The following ESR1 variants were observed in gnomAD, a reference collection of about 807,000 sequenced individuals.
ESR1 encodes the protein estrogen receptor 1.
Under a neutral mutation model 52.7 loss-of-function variants are expected in ESR1, and 12 were observed. That is an observed-to-expected ratio of 0.23 (90% CI 0.15 to 0.37). ESR1 has a LOEUF of 0.37. Among genes scored for constraint, ESR1 ranks in the 10% least tolerant of loss-of-function variants. ESR1 has a pLI of 1.00. For missense variants in ESR1, 584 were observed against 779.7 expected, an observed-to-expected ratio of 0.75 and a Z score of 2.99; for synonymous variants, 305 against 316.8, an observed-to-expected ratio of 0.96 and a Z score of 0.39.
At chr6:152,114,006 G>A (rs553264493) in intron 6 of ESR1, among the ~76,000 whole-genome samples, 2 of 152,320 alleles carry the variant, frequency 1.3e-5, no homozygotes, top group African/African-American at 4.8e-5. Context: ...TTTTATAAAT[G>A]TCCAGATCAT....
intron 4 of ESR1, among the ~76,000 whole-genome samples, chr6:151,978,356 C>A (rs530883249): frequency 6.6e-6 from 1 of 151,772 alleles, no homozygotes; most frequent in East Asian, 1.9e-4. Flanking sequence ...ATGGTCAATA[C>A]GAACATTAGG....
chr6:151,857,366 G>A (rs935978003), intron 2 of ESR1, among the ~76,000 whole-genome samples: 16 of 151,946 alleles, frequency 1.1e-4, no homozygotes, highest in African/African-American at 2.7e-4. Context: ...TTTTATATAA[G>A]GGACTTAAAC....
chr6:151,972,205 G>A (rs2038982927), intron 4 of ESR1, among the ~76,000 whole-genome samples: 1 of 152,044 alleles, frequency 6.6e-6, no homozygotes, highest in Non-Finnish European at 1.5e-5. Context: ...CAGATTCACA[G>A]CTAAATTGTA....
chr6:151,694,795 C>A (rs200423245), intron 1 of ESR1, among the ~76,000 whole-genome samples: 122 of 139,004 alleles, frequency 8.8e-4, no homozygotes, highest in African/African-American at 8.6e-4. Context: ...TAAAAAAAGA[C>A]AAAAAAAAAA....
At chr6:151,839,633 G>C (rs1448845092) in intron 1 of ESR1, among the ~76,000 whole-genome samples, 2 of 152,144 alleles carry the variant, frequency 1.3e-5, no homozygotes, top group African/African-American at 4.8e-5. Flanking sequence ...AGTCTGTGTA[G>C]TATATACAGA....
upstream of ESR1, among the ~76,000 whole-genome samples, chr6:151,799,460 A>G (rs1042734378): frequency 6.6e-6 from 1 of 152,258 alleles, no homozygotes; most frequent in Admixed American, 6.5e-5. Flanking sequence ...GAGGTAAATC[A>G]TTGAGGAAGT....
rs1327283103 is a variant in ESR1 at position 152,102,508 on chromosome 6, C to A, written c.*3542C>A. ...TTCTCTTTGGTGCAGGTCTTGGGAG[C>A]GTGATCTAGATTACACTGCACCATT... On this transcript the variant is annotated 3_prime_UTR_variant, in exon 8 of 8. Coordinates refer to ENST00000206249, the MANE Select transcript of ESR1 (RefSeq NM_000125.4). 1 of 209,230 alleles carries A rather than the reference C, an allele frequency of 4.8e-6. No homozygotes were observed. Among genetic ancestry groups the A allele is most frequent in the African/African-American group, 2.3e-5 (1 of 43,976 alleles). 13.0% of individuals were successfully genotyped at this position (209,230 alleles called of 1,614,324 possible).
intron 6 of ESR1, among the ~76,000 whole-genome samples, chr6:152,076,938 A>G (rs1304223594): frequency 2.6e-5 from 4 of 152,224 alleles, no homozygotes; most frequent in Admixed American, 2.6e-4. Context: ...AGTAGGAAAG[A>G]AAAACCCATT....
intron 1 of ESR1, among the ~76,000 whole-genome samples, chr6:151,663,298 A>C (rs955042038): frequency 2.0e-5 from 3 of 152,244 alleles, no homozygotes; most frequent in Non-Finnish European, 4.4e-5. Context: ...TCAAAGTCCC[A>C]TTCATATGGA....
intron 4 of ESR1, among the ~76,000 whole-genome samples, chr6:151,950,436 C>T (rs1258594821): frequency 2.6e-5 from 4 of 152,094 alleles, no homozygotes; most frequent in Middle Eastern, 3.2e-3. Context: ...AGTTGTCTCT[C>T]CTCAAAAAGA....
chr6:152,078,030 G>A (rs964852592), intron 6 of ESR1, among the ~76,000 whole-genome samples: 3 of 152,158 alleles, frequency 2.0e-5, no homozygotes, highest in Admixed American at 2.0e-4. Flanking sequence ...GGGGTGGAAT[G>A]TTATGGTTTG....
intron 2 of ESR1, 128 bp downstream of exon 2, chr6:151,842,915 A>G (rs772316845): frequency 1.9e-5 from 14 of 756,164 alleles, no homozygotes; most frequent in Non-Finnish European, 2.9e-5. Context: ...TAGGTCCACT[A>G]GTATCTTTGG....
chr6:151,792,014 A>G (rs537423679), intron 2 of ESR1, among the ~76,000 whole-genome samples: 28 of 152,308 alleles, frequency 1.8e-4, no homozygotes, highest in Admixed American at 5.9e-4. Context: ...ACTTATGCCA[A>G]CCTCAGTGGT....
chr6:151,738,282 T>C (rs1782819262), intron 2 of ESR1, among the ~76,000 whole-genome samples: 1 of 152,222 alleles, frequency 6.6e-6, no homozygotes, highest in Non-Finnish European at 1.5e-5. Flanking sequence ...TAGATTCTTT[T>C]GACAAGGGCT....
intron 1 of ESR1, among the ~76,000 whole-genome samples, chr6:151,668,519 G>A (rs1777910358): frequency 6.6e-6 from 1 of 152,098 alleles, no homozygotes; most frequent in African/African-American, 2.4e-5. Context: ...TCCTGACCTC[G>A]TGATCTGCCT....
chr6:151,990,978 T>C (rs1562640622), intron 4 of ESR1, among the ~76,000 whole-genome samples: 1 of 152,204 alleles, frequency 6.6e-6, no homozygotes, highest in Non-Finnish European at 1.5e-5. Context: ...ATTAAGTTAG[T>C]TGCCCAAATC....
chr6:152,125,504 C>T, exon 7 of ESR1: 2 of 1,101,276 alleles, frequency 1.8e-6, no homozygotes, highest in South Asian at 2.0e-5. Flanking sequence ...CAATGGTTTG[C>T]CTTAAAGTGT....
intron 3 of ESR1, among the ~76,000 whole-genome samples, chr6:151,898,068 A>G (rs923177876): frequency 6.6e-6 from 1 of 152,046 alleles, no homozygotes; most frequent in Non-Finnish European, 1.5e-5. Flanking sequence ...AAATCTGTTA[A>G]CTTGATGGGT....
intron 3 of ESR1, among the ~76,000 whole-genome samples, chr6:151,901,687 C>T (rs1188490150): frequency 1.3e-5 from 2 of 152,244 alleles, no homozygotes; most frequent in East Asian, 3.9e-4. Context: ...ATATCCTTCT[C>T]CCATGATCTG....
Sources: allele counts gnomAD v4.1 joint callset (sites outside exome capture counted in the v4.1 genomes callset), GRCh38; gene constraint gnomAD v4.1.1; transcripts MANE v1.5; gene names NCBI Gene and HGNC (gene_info 2026-07-23, HGNC 2026-07-21).